TACC1: variants seen among roughly 807,000 people sequenced by gnomAD.
TACC1 encodes the protein transforming acidic coiled-coil containing protein 1, also known as transforming acidic coiled-coil-containing protein 1.
A neutral mutation model predicts 84.4 loss-of-function variants in TACC1; 48 were observed. The ratio of observed to expected loss-of-function variants is 0.57; its 90% CI spans 0.45 to 0.72. The LOEUF (loss-of-function observed/expected upper bound fraction) is 0.72. TACC1 is among the 30% of genes least tolerant of loss of function. The probability of loss-of-function intolerance (pLI) is 0.00; values close to 1 mark genes in which losing one functional copy is unlikely to be tolerated. For synonymous variants in TACC1, 372 were observed against 376.3 expected (o/e 0.99, Z 0.13); for missense variants, 920 against 973.0 (o/e 0.95, Z 0.72).
intron 4 of TACC1, 103 bp downstream of exon 4, chr8:38,825,471 C>G: frequency 8.2e-7 from 1 of 1,215,832 alleles, no homozygotes; most frequent in South Asian, 1.2e-5. Flanking sequence ...CCAATGGGTA[C>G]CTGAGTACTC....
intron 1 of TACC1, among the ~76,000 whole-genome samples, chr8:38,739,444 G>A (rs1806642070): frequency 2.0e-5 from 3 of 152,286 alleles, no homozygotes; most frequent in East Asian, 1.9e-4. Flanking sequence ...CCAGATGTCA[G>A]TGCTTACATA....
intron 3 of TACC1, among the ~76,000 whole-genome samples, chr8:38,758,957 G>A (rs1810684256): frequency 6.6e-6 from 1 of 152,220 alleles, no homozygotes; most frequent in East Asian, 1.9e-4. Context: ...ATCAAAACTT[G>A]TCTCAACTGG....
chr8:38,778,539 G>A (rs1815302663), intron 3 of TACC1, among the ~76,000 whole-genome samples: 1 of 152,192 alleles, frequency 6.6e-6, no homozygotes, highest in Admixed American at 6.5e-5. Context: ...TCTCTGGGCA[G>A]AGCTGAATTT....
At chr8:38,782,942 C>T (rs1816321493), upstream of TACC1, among the ~76,000 whole-genome samples, 1 of 152,058 alleles carries the variant, frequency 6.6e-6, no homozygotes, top group Non-Finnish European at 1.5e-5. Context: ...AATATGTTTA[C>T]ATCACAGAGT....
chr8:38,808,489 C>T (rs1033241786), intron 2 of TACC1, among the ~76,000 whole-genome samples: 3 of 152,170 alleles, frequency 2.0e-5, no homozygotes, highest in Admixed American at 6.5e-5. Flanking sequence ...CATAGATTAC[C>T]GCAGCCTCCA....
In TACC1 at chr8:38,787,292, C is replaced by G. The variant is rs1817446341; in HGVS notation, c.-291C>G. The G allele has an allele frequency of 1.8e-6, 2 of 1,124,790 alleles. No homozygotes were observed. Among genetic ancestry groups the G allele is most frequent in the South Asian group, 7.9e-5 (2 of 25,228 alleles). The allele number at this position is 1,124,790 out of a possible 1,614,324, so 69.7% of individuals were successfully genotyped here. A position where few individuals can be genotyped will look rare whatever the true frequency, so the allele number is the denominator to read the frequency against. On this transcript the variant is annotated 5_prime_UTR_variant, in exon 1 of 13. Transcript: ENST00000317827. Reference sequence around the variant, plus strand: ...GGTCTAGCAGCCGGGCGCCGCGGGCCGGGGGCCTGAGGAGGCCACAGGACG... The same window carrying G: ...GGTCTAGCAGCCGGGCGCCGCGGGCGGGGGGCCTGAGGAGGCCACAGGACG...
At chr8:38,765,366 C>A (rs548981917) in intron 3 of TACC1, among the ~76,000 whole-genome samples, 1 of 151,956 alleles carries the variant, frequency 6.6e-6, no homozygotes, top group Admixed American at 6.5e-5. Context: ...GGAAAATAAC[C>A]TTTTTCTTGC....
intron 2 of TACC1, among the ~76,000 whole-genome samples, chr8:38,809,101 G>A (rs557254202): frequency 1.3e-5 from 2 of 152,198 alleles, no homozygotes; most frequent in African/African-American, 2.4e-5. Flanking sequence ...GGGACTGAGC[G>A]GGGTGGTGTT....
chr8:38,777,887 T>G (rs1382108628), intron 3 of TACC1, among the ~76,000 whole-genome samples: 1 of 152,180 alleles, frequency 6.6e-6, no homozygotes, highest in Admixed American at 6.5e-5. Context: ...CCACACCTAG[T>G]TGTAGAGAAG....
intron 1 of TACC1, among the ~76,000 whole-genome samples, chr8:38,741,321 G>A (rs2151676167): frequency 6.6e-6 from 1 of 152,034 alleles, no homozygotes; most frequent in East Asian, 1.9e-4. Context: ...ATGCCTGGCT[G>A]ATTTTTTTTG....
At chr8:38,801,571 CTA>C (rs1228055987) in intron 2 of TACC1, among the ~76,000 whole-genome samples, 7 of 152,164 alleles carry the variant, frequency 4.6e-5, no homozygotes, top group Non-Finnish European at 8.8e-5. Flanking sequence ...TTTCTCTGAT[CTA>C]TATGTCTCTC....
chr8:38,755,809 G>GATT (rs561369298), intron 3 of TACC1, among the ~76,000 whole-genome samples: 520 of 27,476 alleles, frequency 0.019, 7 homozygotes, highest in African/African-American at 0.053. Context: ...CAAGTGAAGA[G>GATT]ATCATTATTA....
intron 6 of TACC1, among the ~76,000 whole-genome samples, chr8:38,833,446 GC>G (rs1221386613): frequency 6.6e-6 from 1 of 152,208 alleles, no homozygotes; most frequent in African/African-American, 2.4e-5. Context: ...ATACATTCCT[GC>G]CCTGACACCT....
At position 38,819,893 on chromosome 8, in the gene TACC1, A is replaced by C; in HGVS notation, c.649A>C (p.Asn217His). 6.2e-7 allele frequency: 1 copy of C among 1,614,106 alleles called. No individual in the cohort carries two copies. Reference protein sequence around the residue: ...ASAEADLKAGNSCPELVPSRR... With the variant: ...ASAEADLKAGHSCPELVPSRR... ...CGCAGAAGCTGATCTAAAAGCTGGC[A>C]ACTCCTGTCCAGAGCTTGTGCCCAG... Residue 217 changes from asparagine to histidine, a missense_variant, in exon 3 of 13, where the codon AAC (asparagine) becomes CAC (histidine). By Grantham distance (68) the Asn-to-His change is moderately conservative (BLOSUM62 1). Transcript: ENST00000317827.
chr8:38,840,837 G>T (rs927118864), intron 9 of TACC1, among the ~76,000 whole-genome samples: 3 of 152,102 alleles, frequency 2.0e-5, no homozygotes, highest in African/African-American at 7.2e-5. Context: ...ATCACCTGAG[G>T]TTGAGAGTTC....
chr8:38,752,420 C>G (rs1238562929), intron 3 of TACC1, among the ~76,000 whole-genome samples: 1 of 152,036 alleles, frequency 6.6e-6, no homozygotes, highest in African/African-American at 2.4e-5. Flanking sequence ...GCAGTGAGCA[C>G]AGATTGCACC....
chr8:38,751,099 A>AGGT (rs1390182384), intron 3 of TACC1, among the ~76,000 whole-genome samples: 1 of 152,166 alleles, frequency 6.6e-6, no homozygotes, highest in Admixed American at 6.5e-5. Flanking sequence ...CATTTAAATA[A>AGGT]TTTCCAAATG....
Position 38,753,677 on chromosome 8 carries a change from C to T in TACC1, c.26+8184C>T, listed in dbSNP as rs1340179083. On this transcript the variant is annotated intron_variant, in intron 3 of 14. Coordinates refer to the TACC1 transcript ENST00000518415. ...TTCACAAAGACAACACTTCCCTTCACTGTGTCCACTCAGCCTGGCCCAAAG... is the reference window on the plus strand; with the variant it reads ...TTCACAAAGACAACACTTCCCTTCATTGTGTCCACTCAGCCTGGCCCAAAG... Among the ~76,000 whole-genome samples, 7 of 152,202 alleles carry T rather than the reference C, an allele frequency of 4.6e-5. No homozygotes were observed. The East Asian group carries it at 1.3e-3, about 29-fold the overall frequency.
intron 1 of TACC1, chr8:38,742,311 A>G: frequency 1.1e-6 from 1 of 903,494 alleles, no homozygotes; most frequent in Non-Finnish European, 1.5e-6. Flanking sequence ...TTACCTTATG[A>G]TTAAGCATGT....
Sources: gnomAD v4.1 joint callset for allele counts (sites outside exome capture counted in the v4.1 genomes callset) on GRCh38, gnomAD v4.1.1 for gene constraint, MANE v1.5 for transcripts, NCBI Gene and HGNC (gene_info 2026-07-23, HGNC 2026-07-21) for gene names.